CDK19: variants seen among roughly 807,000 people sequenced by gnomAD.
CDK19 encodes cyclin-dependent kinase 19.
A neutral mutation model predicts 68.3 loss-of-function variants in CDK19; 20 were observed. That is an observed-to-expected ratio of 0.29 (90% CI 0.21 to 0.43). CDK19 has a LOEUF of 0.43. CDK19 is among the 20% of genes least tolerant of loss of function. The pLI, the probability that CDK19 is intolerant of heterozygous loss-of-function variation, is 1.00. For synonymous variants in CDK19, 221 were observed against 222.8 expected (o/e 0.99, Z 0.07); for missense variants, 339 against 623.5 (o/e 0.54, Z 4.86).
intron 4 of CDK19, among the ~76,000 whole-genome samples, chr6:110,667,013 T>C (rs1781985975): frequency 6.6e-6 from 1 of 152,196 alleles, no homozygotes; most frequent in Admixed American, 6.5e-5. Flanking sequence ...ATTGATAACA[T>C]TCTTTTTACT....
chr6:110,648,879 G>A lies in CDK19; in HGVS notation c.457-10173C>T, dbSNP rs545089581. On this transcript the variant is annotated intron_variant, in intron 4 of 12. Coordinates refer to ENST00000368911, the MANE Select transcript of CDK19 (RefSeq NM_015076.5). ...ACTACAGGTGCCCGCCGCCATACCC[G>A]GCTCATTTTTTGTATTTTTAGTAGA... 4.3e-3 allele frequency among the ~76,000 whole-genome samples: 648 copies of A among 151,910 alleles called. 4 individuals are homozygous for A. Among genetic ancestry groups the A allele is most frequent in the African/African-American group, 0.015 (601 of 41,436 alleles).
intron 2 of CDK19, among the ~76,000 whole-genome samples, chr6:110,675,284 G>C (rs973086457): frequency 2.6e-5 from 4 of 152,210 alleles, no homozygotes; most frequent in African/African-American, 9.6e-5. Flanking sequence ...GTGATTTGAA[G>C]TTGAAGCCAA....
intron 1 of CDK19, among the ~76,000 whole-genome samples, chr6:110,779,285 C>T (rs923751465): frequency 1.3e-5 from 2 of 151,918 alleles, no homozygotes; most frequent in African/African-American, 4.8e-5. Context: ...AATGCCTTTC[C>T]CCAGTCTTTC....
chr6:110,811,467 T>C (rs1783094470), intron 1 of CDK19, among the ~76,000 whole-genome samples: 1 of 152,190 alleles, frequency 6.6e-6, no homozygotes, highest in African/African-American at 2.4e-5. Flanking sequence ...TTGGCCAGGC[T>C]GGTCTCCTGG....
chr6:110,802,314 G>GTATA (rs1782397044), intron 1 of CDK19, among the ~76,000 whole-genome samples: 1 of 152,102 alleles, frequency 6.6e-6, no homozygotes, highest in South Asian at 2.1e-4. Context: ...AGAAAATGTG[G>GTATA]TATATATACA....
chr6:110,765,337 C>G (rs1779501432), intron 1 of CDK19, among the ~76,000 whole-genome samples: 1 of 152,124 alleles, frequency 6.6e-6, no homozygotes, highest in African/African-American at 2.4e-5. Context: ...TATGATCACA[C>G]CACTGCACTC....
intron 1 of CDK19, among the ~76,000 whole-genome samples, chr6:110,773,597 C>T (rs1780192438): frequency 6.6e-6 from 1 of 152,016 alleles, no homozygotes; most frequent in Non-Finnish European, 1.5e-5. Context: ...ATACATTATA[C>T]TAATGCTGTT....
chr6:110,658,434 C>G (rs537426389), intron 4 of CDK19, among the ~76,000 whole-genome samples: 1 of 152,320 alleles, frequency 6.6e-6, no homozygotes, highest in Admixed American at 6.5e-5. Context: ...AATACTACTT[C>G]TTGTCATAAT....
chr6:110,655,767 G>C (rs529450034), intron 4 of CDK19, among the ~76,000 whole-genome samples: 7 of 152,196 alleles, frequency 4.6e-5, no homozygotes, highest in Admixed American at 2.6e-4. Flanking sequence ...CACCTGATAA[G>C]GCTACTATCC....
At chr6:110,644,432 TAAG>T (rs1474341233) in intron 4 of CDK19, among the ~76,000 whole-genome samples, 3 of 151,430 alleles carry the variant, frequency 2.0e-5, no homozygotes, top group Non-Finnish European at 4.4e-5. Context: ...AAAGAATAAA[TAAG>T]AAGTAGTATT....
At chr6:110,658,877 A>C (rs187553482) in intron 4 of CDK19, among the ~76,000 whole-genome samples, 1 of 152,346 alleles carries the variant, frequency 6.6e-6, no homozygotes, top group Admixed American at 6.5e-5. Context: ...AATGTACAGA[A>C]GCTTCTGCAG....
intron 2 of CDK19, among the ~76,000 whole-genome samples, chr6:110,740,712 C>T (rs1271831893): frequency 6.6e-6 from 1 of 152,062 alleles, no homozygotes; most frequent in East Asian, 1.9e-4. Flanking sequence ...ATTATTTCCG[C>T]CTTAAAATCC....
At chr6:110,751,912 T>C (rs938149799) in intron 1 of CDK19, among the ~76,000 whole-genome samples, 1 of 152,164 alleles carries the variant, frequency 6.6e-6, no homozygotes, top group Admixed American at 6.5e-5. Context: ...AGCCAACTAT[T>C]TTTTTCTTCA....
At chr6:110,776,933 A>C (rs1780440287) in intron 1 of CDK19, among the ~76,000 whole-genome samples, 1 of 152,222 alleles carries the variant, frequency 6.6e-6, no homozygotes, top group African/African-American at 2.4e-5. Context: ...TTATACTTTA[A>C]AGATGAAGAA....
chr6:110,686,288 A>G (rs1031101003), intron 2 of CDK19, among the ~76,000 whole-genome samples: 2 of 152,170 alleles, frequency 1.3e-5, no homozygotes, highest in African/African-American at 4.8e-5. Context: ...GTCAGAAAAG[A>G]TGCTCCTTAG....
At chr6:110,691,687 G>A (rs372052477) in intron 2 of CDK19, among the ~76,000 whole-genome samples, 6 of 149,818 alleles carry the variant, frequency 4.0e-5, no homozygotes, top group Non-Finnish European at 7.4e-5. Flanking sequence ...TCGCTCTGTC[G>A]CCCAGGTTGG....
chr6:110,760,237 A>C lies in CDK19; in HGVS notation c.129-14036T>G, dbSNP rs141250939. 2.4e-3 allele frequency among the ~76,000 whole-genome samples: 365 copies of C among 151,718 alleles called. 5 individuals are homozygous for C. The highest frequency in any genetic ancestry group is 0.021 in the Admixed American group (325 of 15,196). On this transcript the variant is annotated intron_variant, in intron 1 of 12. Coordinates refer to ENST00000368911, the MANE Select transcript of CDK19 (RefSeq NM_015076.5). ...ATAGTGAAACTCCATCTCTACTAAA[A>C]CTACAAAAATTAGCCAGGCATGGTG...
intron 2 of CDK19, among the ~76,000 whole-genome samples, chr6:110,684,347 T>C (rs1772269529): frequency 6.6e-6 from 1 of 150,502 alleles, no homozygotes; most frequent in Admixed American, 6.7e-5. Flanking sequence ...TAGGCAGTCT[T>C]TCAGTCCCTT....
chr6:110,747,182 T>G (rs1030648600), intron 1 of CDK19, among the ~76,000 whole-genome samples: 1 of 152,310 alleles, frequency 6.6e-6, no homozygotes, highest in East Asian at 1.9e-4. Context: ...GTCTTAGCTA[T>G]TCCTCATTTT....
Sources: gnomAD v4.1 joint callset for allele counts (sites outside exome capture counted in the v4.1 genomes callset) on GRCh38, gnomAD v4.1.1 for gene constraint, MANE v1.5 for transcripts, NCBI Gene and HGNC (gene_info 2026-07-23, HGNC 2026-07-21) for gene names.